USH2A: variants seen among roughly 807,000 people sequenced by gnomAD.
USH2A encodes the protein usherin.
USH2A carries 443 observed loss-of-function variants against 538.9 expected under a neutral mutation model. That is an observed-to-expected ratio of 0.82 (90% CI 0.76 to 0.89). USH2A has a LOEUF of 0.89. Ranked by LOEUF, USH2A falls within the 40% of genes least tolerant of loss-of-function variation. USH2A has a pLI of 0.00. For synonymous variants in USH2A, 2,413 were observed against 2,273.5 expected (o/e 1.06, Z -1.75); for missense variants, 6,633 against 6,324.8 (o/e 1.05, Z -1.65).
chr1:215,979,674 T>C (rs183280720), intron 35 of USH2A, among the ~76,000 whole-genome samples: 27 of 152,218 alleles, frequency 1.8e-4, no homozygotes, highest in Admixed American at 1.5e-3. Flanking sequence ...GCAGAAGAAA[T>C]ATCTTTAGCA....
At chr1:216,160,868 T>C (rs2034044527) in intron 21 of USH2A, among the ~76,000 whole-genome samples, 1 of 152,108 alleles carries the variant, frequency 6.6e-6, no homozygotes, top group South Asian at 2.1e-4. Context: ...TGAGGATATA[T>C]TTATTCTCTG....
At chr1:216,212,252 C>A (rs1171919596) in intron 15 of USH2A, among the ~76,000 whole-genome samples, 1 of 152,144 alleles carries the variant, frequency 6.6e-6, no homozygotes, top group Non-Finnish European at 1.5e-5. Flanking sequence ...CAACCACAAT[C>A]TTGTCTGACT....
intron 3 of USH2A, among the ~76,000 whole-genome samples, chr1:216,376,574 T>A (rs1164965240): frequency 6.6e-6 from 1 of 152,214 alleles, no homozygotes; most frequent in African/African-American, 2.4e-5. Context: ...GTTTATAGTT[T>A]TTTAAAAATC....
At chr1:216,265,027 T>C (rs1335630708) in intron 11 of USH2A, among the ~76,000 whole-genome samples, 1 of 151,962 alleles carries the variant, frequency 6.6e-6, no homozygotes, top group Admixed American at 6.6e-5. Flanking sequence ...TACATCAAAC[T>C]AAAATGCCCT....
chr1:216,210,121 C>A, intron 15 of USH2A, among the ~76,000 whole-genome samples: 1 of 152,022 alleles, frequency 6.6e-6, no homozygotes, highest in East Asian at 1.9e-4. Context: ...GGCAGCCTTG[C>A]AGGGTTTCCC....
intron 11 of USH2A, among the ~76,000 whole-genome samples, chr1:216,252,712 A>C (rs1486833096): frequency 6.6e-6 from 1 of 152,238 alleles, no homozygotes; most frequent in Non-Finnish European, 1.5e-5. Context: ...TAGAAAGATG[A>C]GTGAGAACAA....
chr1:216,320,174 T>G (rs1225949825), intron 9 of USH2A, among the ~76,000 whole-genome samples: 2 of 152,078 alleles, frequency 1.3e-5, no homozygotes, highest in African/African-American at 4.8e-5. Flanking sequence ...GGTGGATCCT[T>G]CATGAAGTGC....
chr1:215,715,030 G>T (rs1189872075), intron 61 of USH2A, among the ~76,000 whole-genome samples: 3 of 152,178 alleles, frequency 2.0e-5, no homozygotes, highest in Non-Finnish European at 2.9e-5. Flanking sequence ...AGGATGTGCA[G>T]GTTTGTTACA....
rs1310770211 is a variant in USH2A, at chr1:216,151,411, G to A, written c.4627+23841C>T. Among the ~76,000 whole-genome samples, 6 of 152,148 alleles carry A rather than the reference G, an allele frequency of 3.9e-5. No homozygotes were observed. In the South Asian group the frequency reaches 8.3e-4, roughly 21 times the overall value. On this transcript the variant is annotated intron_variant, in intron 21 of 71. Coordinates refer to ENST00000307340, the MANE Select transcript of USH2A (RefSeq NM_206933.4). ...CAAAATTCAATTTGCAAATGGGACC[G>A]AAGAGCTCCCTGTTCCCCTCATGAC...
chr1:216,396,575 C>T (rs1046001259), intron 3 of USH2A, among the ~76,000 whole-genome samples: 42 of 152,074 alleles, frequency 2.8e-4, no homozygotes, highest in African/African-American at 9.9e-4. Flanking sequence ...TCAAGCATTA[C>T]TTATTATTTT....
chr1:215,630,049 T>C (rs1656213405), intron 70 of USH2A: 1 of 504,920 alleles, frequency 2.0e-6, no homozygotes, highest in South Asian at 1.5e-5. Context: ...CTTTTCTTTT[T>C]TCAGTAGAGT....
chr1:215,984,093 C>CAG (rs2102469221), intron 35 of USH2A, among the ~76,000 whole-genome samples: 2 of 152,234 alleles, frequency 1.3e-5, no homozygotes, highest in South Asian at 4.1e-4. Flanking sequence ...AACAGGAAGC[C>CAG]AGAGAGAGAG....
chr1:216,407,539 G>T (rs970578041), intron 3 of USH2A, among the ~76,000 whole-genome samples: 1 of 151,990 alleles, frequency 6.6e-6, no homozygotes, highest in Non-Finnish European at 1.5e-5. Flanking sequence ...TTTAGAGAAA[G>T]AAATGCCAAG....
At position 216,005,820 on chromosome 1, in the gene USH2A, C is replaced by A. The variant is rs1668377762; in HGVS notation, c.6326-5258G>T. Reference sequence around the variant, plus strand: ...AACAAAACAGGAGATAGTGGTAAACCAAATGTTAACAATGTTTTTCTGAGT... The same window carrying A: ...AACAAAACAGGAGATAGTGGTAAACAAAATGTTAACAATGTTTTTCTGAGT... On this transcript the variant is annotated intron_variant, in intron 32 of 71. Coordinates refer to ENST00000307340, the MANE Select transcript of USH2A (RefSeq NM_206933.4). Among the ~76,000 whole-genome samples the A allele has an allele frequency of 1.3e-5, 2 of 151,826 alleles. 1 individual carries two copies. The highest frequency in any genetic ancestry group is 4.2e-4 in the South Asian group (2 of 4,806).
chr1:215,910,030 G>T (rs1665737076), intron 38 of USH2A, among the ~76,000 whole-genome samples: 1 of 151,940 alleles, frequency 6.6e-6, no homozygotes, highest in Admixed American at 6.6e-5. Flanking sequence ...CATAAGGAAG[G>T]TGTCAGTCTA....
intron 15 of USH2A, among the ~76,000 whole-genome samples, chr1:216,209,597 T>C (rs534630286): frequency 9.2e-5 from 14 of 152,322 alleles, no homozygotes; most frequent in African/African-American, 3.4e-4. Context: ...AATCAAATTA[T>C]TACATTTTAA....
intron 55 of USH2A, among the ~76,000 whole-genome samples, chr1:215,778,839 C>T (rs1198762356): frequency 1.3e-5 from 2 of 152,192 alleles, no homozygotes; most frequent in Admixed American, 1.3e-4. Context: ...TACTTAACTT[C>T]TCAAAGTATT....
intron 66 of USH2A, among the ~76,000 whole-genome samples, 162 bp from the exon 67 acceptor site, chr1:215,647,892 T>C (rs1487917172): frequency 6.6e-6 from 1 of 152,208 alleles, no homozygotes; most frequent in African/African-American, 2.4e-5. Context: ...AAACACCTTA[T>C]GTAATGCTAT....
chr1:215,878,836 A>G lies in USH2A; in HGVS notation c.8486T>C (p.Val2829Ala), dbSNP rs759063087. Residue 2829 changes from valine (V) to alanine (A), a missense_variant, in exon 42 of 72, where the codon GTG (valine) becomes GCG (alanine). Val to Ala is a moderately conservative substitution (Grantham distance 64). Coordinates refer to ENST00000307340, the MANE Select transcript of USH2A (RefSeq NM_206933.4). ...AACATATGATTCACTTAGTGGAATC[A>G]CAGACAATGGGCCAACATTCTGAGG... ...TVPQNVGPLSVIPLSESYVVI... is the reference protein window; with the variant it reads ...TVPQNVGPLSAIPLSESYVVI... The G allele has an allele frequency of 5.0e-6, 8 of 1,613,972 alleles. No individual in the cohort carries two copies. In the African/African-American group the frequency reaches 8.0e-5, roughly 16 times the overall value.
Sources: allele counts gnomAD v4.1 joint callset (sites outside exome capture counted in the v4.1 genomes callset), GRCh38; gene constraint gnomAD v4.1.1; transcripts MANE v1.5; gene names NCBI Gene and HGNC (gene_info 2026-07-23, HGNC 2026-07-21).